EML6: variants seen among roughly 807,000 people sequenced by gnomAD.
EML6 encodes the protein echinoderm microtubule-associated protein-like 6.
A neutral mutation model predicts 240.1 loss-of-function variants in EML6; 154 were observed. The ratio of observed to expected loss-of-function variants is 0.64; its 90% confidence interval spans 0.56 to 0.73. EML6 has a LOEUF of 0.73. EML6 is among the 30% of genes least tolerant of loss of function. The pLI, the probability that EML6 is intolerant of heterozygous loss-of-function variation, is 0.00. For missense variants in EML6, 2,964 were observed against 2,474.6 expected, an observed-to-expected ratio of 1.20 and a Z score of -4.20; for synonymous variants, 1,148 against 899.0, an observed-to-expected ratio of 1.28 and a Z score of -4.95.
intron 22 of EML6, among the ~76,000 whole-genome samples, chr2:54,902,068 C>A (rs1182346370): frequency 6.6e-6 from 1 of 152,140 alleles, no homozygotes; most frequent in African/African-American, 2.4e-5. Flanking sequence ...TCTTTCACCT[C>A]TAGAGTTATA....
At chr2:54,915,841 C>A (rs1037241824) in intron 25 of EML6, among the ~76,000 whole-genome samples, 24 of 152,066 alleles carry the variant, frequency 1.6e-4, no homozygotes, top group Admixed American at 1.1e-3. Context: ...TCTTTTACTC[C>A]AGTGCTTTCT....
chr2:54,937,690 T>G (rs553624859), intron 28 of EML6, among the ~76,000 whole-genome samples: 1 of 152,178 alleles, frequency 6.6e-6, no homozygotes, highest in Non-Finnish European at 1.5e-5. Flanking sequence ...ATTTATAGTT[T>G]TAGTCACTGA....
intron 29 of EML6, 30 bp from the exon 30 acceptor site, chr2:54,950,620 G>T: frequency 8.4e-6 from 13 of 1,550,422 alleles, no homozygotes; most frequent in Non-Finnish European, 1.0e-5. Flanking sequence ...TTCCTCTGAG[G>T]GTCACATTGA....
chr2:54,952,862 C>T (rs966103618), intron 31 of EML6, among the ~76,000 whole-genome samples, 170 bp downstream of exon 31: 1 of 152,206 alleles, frequency 6.6e-6, no homozygotes, highest in East Asian at 1.9e-4. Flanking sequence ...TTGACACATC[C>T]AGTGACTGTG....
chr2:54,933,971 T>C (rs1316294771), intron 28 of EML6, among the ~76,000 whole-genome samples: 1 of 152,110 alleles, frequency 6.6e-6, no homozygotes, highest in Non-Finnish European at 1.5e-5. Flanking sequence ...GAGGACAGAA[T>C]GAAGATAATT....
At chr2:54,838,774 C>T (rs1669285614) in intron 7 of EML6, among the ~76,000 whole-genome samples, 1 of 152,178 alleles carries the variant, frequency 6.6e-6, no homozygotes, top group South Asian at 2.1e-4. Flanking sequence ...TAGGCCCAAG[C>T]TCCACGTTTC....
intron 13 of EML6, among the ~76,000 whole-genome samples, chr2:54,866,344 T>C (rs1280051667): frequency 6.6e-6 from 1 of 152,220 alleles, no homozygotes; most frequent in Non-Finnish European, 1.5e-5. Context: ...TTAAGATGCA[T>C]GAAGCTATGA....
At chr2:54,787,371 C>T (rs890908250) in intron 2 of EML6, among the ~76,000 whole-genome samples, 1 of 152,006 alleles carries the variant, frequency 6.6e-6, no homozygotes, top group African/African-American at 2.4e-5. Flanking sequence ...AAAAGTAAAC[C>T]AGAGGAAGAT....
chr2:54,729,824 T>A (rs1683075909), intron 2 of EML6, among the ~76,000 whole-genome samples: 1 of 152,238 alleles, frequency 6.6e-6, no homozygotes, highest in African/African-American at 2.4e-5. Context: ...GAATTCTGCC[T>A]GGAAATGGGA....
chr2:54,737,453 C>T (rs565776591), intron 2 of EML6, among the ~76,000 whole-genome samples: 5 of 152,228 alleles, frequency 3.3e-5, no homozygotes, highest in African/African-American at 4.8e-5. Flanking sequence ...CATGCGCCAC[C>T]GTGCCTGGCT....
chr2:54,946,167 A>C (rs1473949166), intron 28 of EML6, among the ~76,000 whole-genome samples: 2 of 152,032 alleles, frequency 1.3e-5, no homozygotes, highest in Non-Finnish European at 1.5e-5. Flanking sequence ...ATTTCTTGCC[A>C]ATGGAAGCTC....
At chr2:54,856,282 A>G (rs1256282430) in intron 11 of EML6, among the ~76,000 whole-genome samples, 1 of 152,196 alleles carries the variant, frequency 6.6e-6, no homozygotes, top group Non-Finnish European at 1.5e-5. Flanking sequence ...AAACGAGGTA[A>G]AATCCAAGGC....
intron 2 of EML6, among the ~76,000 whole-genome samples, chr2:54,790,915 C>T (rs1165400582): frequency 2.6e-5 from 4 of 151,630 alleles, no homozygotes; most frequent in Non-Finnish European, 4.4e-5. Context: ...TTAGTAGAGA[C>T]GGGGTTTCAC....
At chr2:54,816,253 G>A (rs1668077652) in intron 3 of EML6, among the ~76,000 whole-genome samples, 1 of 152,150 alleles carries the variant, frequency 6.6e-6, no homozygotes, top group Non-Finnish European at 1.5e-5. Flanking sequence ...GGGAATTTAG[G>A]CTGGGAGGTG....
At chr2:54,764,413 A>G (rs1381523986) in intron 2 of EML6, among the ~76,000 whole-genome samples, 1 of 152,164 alleles carries the variant, frequency 6.6e-6, no homozygotes, top group Admixed American at 6.6e-5. Context: ...GATCCCCCCA[A>G]AGCAATCACA....
intron 7 of EML6, among the ~76,000 whole-genome samples, chr2:54,841,586 CTTT>C (rs3038252): frequency 5.0e-4 from 59 of 118,886 alleles, no homozygotes; most frequent in Admixed American, 1.1e-3. Flanking sequence ...TTTGTCTTGG[CTTT>C]TTTTTTTTTT....
intron 36 of EML6, among the ~76,000 whole-genome samples, chr2:54,963,384 A>G (rs1387417423): frequency 6.6e-6 from 1 of 152,232 alleles, no homozygotes; most frequent in Non-Finnish European, 1.5e-5. Flanking sequence ...TTGACTAACT[A>G]CATAACACCA....
chr2:54,853,930 C>T (rs1213549247), intron 11 of EML6, 75 bp downstream of exon 11: 6 of 875,376 alleles, frequency 6.9e-6, no homozygotes, highest in East Asian at 2.9e-5. Context: ...GGCTGATCTT[C>T]CTGCTGTCTA....
At chr2:54,800,339 C>G (rs1048127373) in intron 2 of EML6, among the ~76,000 whole-genome samples, 1 of 152,092 alleles carries the variant, frequency 6.6e-6, no homozygotes, top group African/African-American at 2.4e-5. Context: ...CCCCACTGTT[C>G]CATCAGATTG....
Sources: gnomAD v4.1 joint callset for allele counts (sites outside exome capture counted in the v4.1 genomes callset) on GRCh38, gnomAD v4.1.1 for gene constraint, MANE v1.5 for transcripts, NCBI Gene and HGNC (gene_info 2026-07-23, HGNC 2026-07-21) for gene names.